ACAT1: variants seen among roughly 807,000 people sequenced by gnomAD.
ACAT1 encodes acetyl-CoA acetyltransferase 1.
A neutral mutation model predicts 47.3 loss-of-function variants in ACAT1; 28 were observed. The ratio of observed to expected loss-of-function variants is 0.59; its 90% CI spans 0.44 to 0.81. The LOEUF (loss-of-function observed/expected upper bound fraction) is 0.81. Ranked by LOEUF, ACAT1 falls within the 30% of genes least tolerant of loss-of-function variation. The pLI is 0.00. For missense variants in ACAT1, 469 were observed against 524.3 expected (o/e 0.89, Z 1.03); for synonymous variants, 181 against 173.6 (o/e 1.04, Z -0.34).
chr11:108,137,532 G>A (rs1268276888), intron 5 of ACAT1, among the ~76,000 whole-genome samples: 1 of 152,212 alleles, frequency 6.6e-6, no homozygotes, highest in Admixed American at 6.5e-5. Flanking sequence ...TGTCCAGGAA[G>A]AGATGATGAG....
intron 6 of ACAT1, among the ~76,000 whole-genome samples, chr11:108,139,500 G>C (rs2077542367): frequency 6.6e-6 from 1 of 151,888 alleles, no homozygotes; most frequent in African/African-American, 2.4e-5. Context: ...GCTGAGGCAG[G>C]AGAATTGCTT....
chr11:108,140,507 G>A (rs1026080767), intron 7 of ACAT1, among the ~76,000 whole-genome samples: 2 of 152,160 alleles, frequency 1.3e-5, no homozygotes, highest in South Asian at 2.1e-4. Flanking sequence ...GAAGGTTACC[G>A]GGAGTGCCTC....
chr11:108,125,424 CAGTG>C (rs2077229604), intron 1 of ACAT1, among the ~76,000 whole-genome samples: 1 of 152,176 alleles, frequency 6.6e-6, no homozygotes, highest in Non-Finnish European at 1.5e-5. Context: ...AGGGATGTAA[CAGTG>C]AGCAAGAGAC....
At position 108,121,590 on chromosome 11, in the gene ACAT1, C is replaced by G. The variant is rs1354214379; in HGVS notation, c.-17C>G. 6.5e-7 allele frequency: 1 copy of G among 1,550,200 alleles called. No individual in the cohort carries two copies. The highest frequency in any genetic ancestry group is 8.7e-7 in the Non-Finnish European group (1 of 1,146,802). On this transcript the variant is annotated 5_prime_UTR_variant, in exon 1 of 12. Coordinates refer to ENST00000265838, the MANE Select transcript of ACAT1 (RefSeq NM_000019.4). ...CTAGTCTACGCCTGTGGAGCCGATA[C>G]TCAGCCCTCTGCGACCATGGCTGTG...
At chr11:108,138,019 T>C (rs1419899365) in intron 5 of ACAT1, among the ~76,000 whole-genome samples, 1 of 151,988 alleles carries the variant, frequency 6.6e-6, no homozygotes, top group Non-Finnish European at 1.5e-5. Flanking sequence ...GACAGAGTCT[T>C]GCTTTGTCAC....
At chr11:108,141,369 CAAAAAAA>C (rs60002941) in intron 7 of ACAT1, among the ~76,000 whole-genome samples, 17 of 69,322 alleles carry the variant, frequency 2.5e-4, no homozygotes, top group Admixed American at 2.0e-4. Flanking sequence ...AACCCTGCCT[CAAAAAAA>C]AAAAAAAAAA....
At chr11:108,131,975 T>G (rs544026596) in intron 2 of ACAT1, 21 bp downstream of exon 2, 1 of 1,479,998 alleles carries the variant, frequency 6.8e-7, no homozygotes, top group Non-Finnish European at 9.4e-7. Context: ...TAAATTGTGC[T>G]TTAAAATTTC....
Position 108,141,648 on chromosome 11 carries a change from T to G in ACAT1, c.774T>G (p.Arg258=), listed in dbSNP as rs778592070. The part of the protein sequence containing the change: ...VVVKEDEEYK[R]VDFSKVPKLK... ...TGAAAGAAGATGAAGAATATAAACG[T>G]GTTGATTTTAGCAAAGTTCCAAAGC... The change falls in exon 8 of 12, where the codon CGT becomes CGG. Residue 258 remains arginine (R), a synonymous_variant. Coordinates refer to ENST00000265838, the MANE Select transcript of ACAT1 (RefSeq NM_000019.4). 3 of 1,613,616 alleles carry G rather than the reference T, an allele frequency of 1.9e-6. No individual in the cohort carries two copies. The highest frequency in any genetic ancestry group is 2.2e-5 in the East Asian group (1 of 44,812).
At position 108,143,945 on chromosome 11, in the gene ACAT1, A is replaced by T; in HGVS notation, c.941-38A>T. On this transcript the variant is annotated intron_variant, in intron 9 of 11. Transcript: ENST00000265838. ...GCATATTCTATACAGTAAAAAAAAA[A>T]AGATTTTAACAACCCCCCCCCCCCT... 3.3e-6 allele frequency: 4 copies of T among 1,198,650 alleles called. No homozygotes were observed. In the South Asian group the frequency reaches 3.6e-5, roughly 11 times the overall value. The allele number at this position is 1,198,650 out of a possible 1,614,324, so 74.3% of individuals were successfully genotyped here. A position where few individuals can be genotyped will look rare whatever the true frequency, so the allele number is the denominator to read the frequency against.
intron 2 of ACAT1, among the ~76,000 whole-genome samples, chr11:108,133,515 A>G (rs1330613290): frequency 6.6e-6 from 1 of 152,166 alleles, no homozygotes; most frequent in African/African-American, 2.4e-5. Context: ...AAACAAAAAA[A>G]CAAGGTACAG....
At position 108,147,438 on chromosome 11, in the gene ACAT1, G is replaced by A; in HGVS notation, c.*48G>A. ...ACAACCCTATGTGACCAGAAGGCCT[G>A]CTGTAATCAGTGTGACTACTGTGGG... On this transcript the variant is annotated 3_prime_UTR_variant, in exon 12 of 12. Coordinates refer to ENST00000265838, the MANE Select transcript of ACAT1 (RefSeq NM_000019.4). The A allele has an allele frequency of 7.5e-6, 12 of 1,590,940 alleles. No individual in the cohort carries two copies. The highest frequency in any genetic ancestry group is 9.5e-6 in the Non-Finnish European group (11 of 1,163,382).
In ACAT1 at chr11:108,133,801, C is replaced by T; in HGVS notation, c.121-19C>T. On this transcript the variant is annotated intron_variant, in intron 2 of 11. Transcript: ENST00000265838. ...TTGGGTAAAATACCTATAATTTTTA[C>T]CATCTTGTGTCTTGCCAGGAAGTGG... The T allele has an allele frequency of 6.3e-7, 1 of 1,583,940 alleles. No individual in the cohort carries two copies. Among genetic ancestry groups the T allele is most frequent in the Non-Finnish European group, 8.7e-7 (1 of 1,153,026 alleles).
chr11:108,147,428 CAGAAGGCCTGCTGTAATCAGTGTGACT>C lies in ACAT1; in HGVS notation c.*40_*66del. The C allele has an allele frequency of 6.3e-7, 1 of 1,593,118 alleles. No homozygotes were observed. The highest frequency in any genetic ancestry group is 8.6e-7 in the Non-Finnish European group (1 of 1,164,442). On this transcript the variant is annotated 3_prime_UTR_variant, in exon 12 of 12. Transcript: ENST00000265838. ...ATTTAAGGAGACAACCCTATGTGAC[CAGAAGGCCTGCTGTAATCAGTGTGACT>C]ACTGTGGGTCAGCTTATATTCAGAT...
intron 1 of ACAT1, among the ~76,000 whole-genome samples, chr11:108,122,581 C>G (rs57663127): frequency 0.021 from 3,186 of 152,338 alleles, 114 homozygotes; most frequent in African/African-American, 0.072. Context: ...CGTAGAATAA[C>G]ATTACTTGCA....
At chr11:108,121,414 C>T (rs2077144528), upstream of ACAT1, 1 of 658,618 alleles carries the variant, frequency 1.5e-6, no homozygotes. Context: ...GTCAACCTTT[C>T]CTGGCCCAGG....
intron 1 of ACAT1, among the ~76,000 whole-genome samples, chr11:108,130,595 T>C (rs1263409551): frequency 1.3e-5 from 2 of 151,426 alleles, no homozygotes; most frequent in Non-Finnish European, 2.9e-5. Flanking sequence ...GGTTTGACCA[T>C]GTTGGTCAGG....
At chr11:108,121,988 C>T (rs2077159167) in intron 1 of ACAT1, 10 of 491,846 alleles carry the variant, frequency 2.0e-5, no homozygotes, top group Non-Finnish European at 2.9e-5. Context: ...GCTGGCCCGG[C>T]CTGAGCGGTG....
intron 4 of ACAT1, 122 bp from the exon 5 acceptor site, chr11:108,135,020 C>T: frequency 3.2e-6 from 2 of 633,320 alleles, no homozygotes; most frequent in Non-Finnish European, 2.8e-6. Context: ...ATATTAAATG[C>T]ATGATATAAT....
chr11:108,134,460 T>G lies in ACAT1; in HGVS notation c.334+144T>G, dbSNP rs572910296. 5 of 568,450 alleles carry G rather than the reference T, an allele frequency of 8.8e-6. No individual in the cohort carries two copies. The African/African-American group carries it at 1.1e-4, about 12-fold the overall frequency. 35.2% of individuals were successfully genotyped at this position (568,450 alleles called of 1,614,324 possible). ...GAGATGGAGACCATCCTGGCCAACA[T>G]GGTGAAACCCCGTCTCTACTAAAAA... is the stretch of plus-strand genomic sequence containing the variant. On this transcript the variant is annotated intron_variant, in intron 4 of 11. Coordinates refer to ENST00000265838, the MANE Select transcript of ACAT1 (RefSeq NM_000019.4).
Sources: gnomAD v4.1 joint callset for allele counts (sites outside exome capture counted in the v4.1 genomes callset) on GRCh38, gnomAD v4.1.1 for gene constraint, MANE v1.5 for transcripts, NCBI Gene and HGNC (gene_info 2026-07-23, HGNC 2026-07-21) for gene names.